Variants in IMMP2L observed in about 807,000 individuals in gnomAD.
IMMP2L encodes the protein mitochondrial inner membrane protease subunit 2.
Under a neutral mutation model 19.3 loss-of-function variants are expected in IMMP2L, and 18 were observed. The observed-to-expected ratio is 0.93, with a 90% confidence interval of 0.64 to 1.38. The LOEUF (loss-of-function observed/expected upper bound fraction) is 1.38, where lower values mean the gene tolerates loss of function less well. IMMP2L is among the 40% of genes most tolerant of loss of function. IMMP2L has a pLI of 0.00. For missense variants in IMMP2L, 233 were observed against 218.2 expected (o/e 1.07, Z -0.43); for synonymous variants, 76 against 73.0 (o/e 1.04, Z -0.21).
intron 3 of IMMP2L, among the ~76,000 whole-genome samples, chr7:111,145,235 T>TTC (rs1670717000): frequency 6.6e-6 from 1 of 152,138 alleles, no homozygotes; most frequent in Non-Finnish European, 1.5e-5. Flanking sequence ...AAGAAGCAGC[T>TTC]TTGTGAACAT....
rs538427064 is a variant in IMMP2L at position 110,911,322 on chromosome 7, T to C, written c.306-24627A>G. Among the ~76,000 whole-genome samples the C allele has an allele frequency of 6.6e-5, 10 of 152,266 alleles. No individual in the cohort carries two copies. In the South Asian group the frequency reaches 2.1e-3, roughly 32 times the overall value. Reference sequence around the variant, plus strand: ...AGCTTTAAAAGTGAAATTAAAAATATATTACAAAATGTAAATCAAAAGGCA... The same window carrying C: ...AGCTTTAAAAGTGAAATTAAAAATACATTACAAAATGTAAATCAAAAGGCA... On this transcript the variant is annotated intron_variant, in intron 4 of 5. Coordinates refer to ENST00000405709, the MANE Select transcript of IMMP2L (RefSeq NM_032549.4).
intron 5 of IMMP2L, 150 bp from the exon 6 acceptor site, chr7:110,663,871 A>G: frequency 1.9e-6 from 1 of 527,480 alleles, no homozygotes; most frequent in Non-Finnish European, 3.2e-6. Context: ...TTTTGTAGCC[A>G]TTGAAATACA....
At chr7:111,234,612 T>C (rs560720701) in intron 3 of IMMP2L, among the ~76,000 whole-genome samples, 2 of 152,228 alleles carry the variant, frequency 1.3e-5, no homozygotes, top group South Asian at 4.1e-4. Context: ...TGTTTTCTAC[T>C]GCTTTTATCT....
intron 3 of IMMP2L, among the ~76,000 whole-genome samples, chr7:111,243,537 C>T (rs1363226051): frequency 7.5e-6 from 1 of 133,582 alleles, no homozygotes. Flanking sequence ...TTATTATACT[C>T]TAAGTTTTAG....
At chr7:111,328,362 T>C (rs938124797) in intron 3 of IMMP2L, among the ~76,000 whole-genome samples, 6 of 151,774 alleles carry the variant, frequency 4.0e-5, no homozygotes, top group African/African-American at 1.2e-4. Flanking sequence ...TAGAACTAAA[T>C]AGGAGCCCAC....
At chr7:110,775,486 T>C (rs566442471) in intron 5 of IMMP2L, among the ~76,000 whole-genome samples, 26 of 152,090 alleles carry the variant, frequency 1.7e-4, no homozygotes, top group African/African-American at 5.8e-4. Context: ...CTTAAACTAG[T>C]AGAGAAAACC....
chr7:111,476,011 GATTA>G (rs1841689640), intron 3 of IMMP2L, among the ~76,000 whole-genome samples: 1 of 152,034 alleles, frequency 6.6e-6, no homozygotes, highest in African/African-American at 2.4e-5. Context: ...TATCCTGAGG[GATTA>G]ATTCTTATGT....
intron 3 of IMMP2L, among the ~76,000 whole-genome samples, chr7:111,377,028 T>C (rs1455421961): frequency 6.6e-6 from 1 of 152,018 alleles, no homozygotes; most frequent in Non-Finnish European, 1.5e-5. Context: ...ATACTTCAAA[T>C]GGGTGAATCA....
chr7:111,141,442 T>C (rs186816467), intron 3 of IMMP2L, among the ~76,000 whole-genome samples: 34 of 150,654 alleles, frequency 2.3e-4, no homozygotes, highest in Admixed American at 1.3e-3. Context: ...ATTTCTTTCT[T>C]TTTTTTTTGT....
intron 3 of IMMP2L, among the ~76,000 whole-genome samples, chr7:111,255,815 C>T (rs1562972797): frequency 6.6e-6 from 1 of 151,966 alleles, no homozygotes; most frequent in Non-Finnish European, 1.5e-5. Flanking sequence ...AACTATTGTC[C>T]AAACCAAAAG....
chr7:111,077,109 T>C (rs1387485746), intron 3 of IMMP2L, among the ~76,000 whole-genome samples: 1 of 152,196 alleles, frequency 6.6e-6, no homozygotes, highest in Non-Finnish European at 1.5e-5. Flanking sequence ...TTGTATTAGT[T>C]GTTTCTTCTG....
At chr7:111,475,358 A>G (rs1034952910) in intron 3 of IMMP2L, among the ~76,000 whole-genome samples, 8 of 151,946 alleles carry the variant, frequency 5.3e-5, no homozygotes, top group African/African-American at 1.7e-4. Context: ...CTTTCTTATC[A>G]GCTACCGACA....
At chr7:110,975,116 T>A (rs1476304000) in intron 3 of IMMP2L, among the ~76,000 whole-genome samples, 1 of 152,136 alleles carries the variant, frequency 6.6e-6, no homozygotes, top group Non-Finnish European at 1.5e-5. Context: ...ACATGATCAT[T>A]ATCCTACTGT....
intron 3 of IMMP2L, among the ~76,000 whole-genome samples, chr7:111,202,904 A>G (rs1177516910): frequency 6.6e-6 from 1 of 152,170 alleles, no homozygotes; most frequent in Non-Finnish European, 1.5e-5. Flanking sequence ...AGAAATCCAT[A>G]GGTGACCACC....
At chr7:110,888,892 T>A (rs1168162059) in intron 4 of IMMP2L, among the ~76,000 whole-genome samples, 1 of 152,210 alleles carries the variant, frequency 6.6e-6, no homozygotes, top group Non-Finnish European at 1.5e-5. Flanking sequence ...CAGAACAGAC[T>A]ACACAGAGTG....
intron 4 of IMMP2L, among the ~76,000 whole-genome samples, chr7:110,911,816 A>G (rs1813084882): frequency 6.6e-6 from 1 of 152,116 alleles, no homozygotes; most frequent in Non-Finnish European, 1.5e-5. Flanking sequence ...CTAATCTTTC[A>G]ATTCCTATTC....
intron 3 of IMMP2L, among the ~76,000 whole-genome samples, chr7:111,017,261 A>C (rs1825804700): frequency 6.6e-6 from 1 of 151,254 alleles, no homozygotes; most frequent in Non-Finnish European, 1.5e-5. Context: ...ATGGGGTCTC[A>C]TCATGTTGCC....
intron 5 of IMMP2L, among the ~76,000 whole-genome samples, chr7:110,843,001 C>T (rs74760140): frequency 0.017 from 2,612 of 152,008 alleles, 54 homozygotes; most frequent in African/African-American, 0.043. Context: ...TTAGCTATAT[C>T]GAATCAGATA....
intron 3 of IMMP2L, among the ~76,000 whole-genome samples, chr7:111,153,578 G>A (rs1804308821): frequency 6.6e-6 from 1 of 152,076 alleles, no homozygotes; most frequent in Admixed American, 6.6e-5. Flanking sequence ...AGTAAACTAT[G>A]AGGCCATGCT....
Sources: gnomAD v4.1 joint callset for allele counts (sites outside exome capture counted in the v4.1 genomes callset) on GRCh38, gnomAD v4.1.1 for gene constraint, MANE v1.5 for transcripts, NCBI Gene and HGNC (gene_info 2026-07-23, HGNC 2026-07-21) for gene names.